Variants in DAAM2 observed in about 807,000 individuals in gnomAD.
DAAM2 encodes disheveled-associated activator of morphogenesis 2.
DAAM2 carries 39 observed loss-of-function variants against 120.7 expected under a neutral mutation model. That is an observed-to-expected ratio of 0.32 (90% CI 0.25 to 0.42). The LOEUF is 0.42. Ranked by LOEUF, DAAM2 falls within the 10% of genes least tolerant of loss-of-function variation. DAAM2 has a pLI of 1.00. For missense variants in DAAM2, 1,283 were observed against 1,401.7 expected (o/e 0.92, Z 1.35); for synonymous variants, 488 against 524.9 (o/e 0.93, Z 0.96).
intron 1 of DAAM2, among the ~76,000 whole-genome samples, chr6:39,799,870 A>T (rs1415504718): frequency 6.6e-6 from 1 of 152,182 alleles, no homozygotes; most frequent in East Asian, 1.9e-4. Flanking sequence ...ATCCTGCTGT[A>T]ACTTCATTTG....
intron 9 of DAAM2, among the ~76,000 whole-genome samples, chr6:39,872,495 T>C (rs952355392): frequency 2.6e-5 from 4 of 152,130 alleles, no homozygotes; most frequent in Non-Finnish European, 4.4e-5. Flanking sequence ...CTGAGTCCCC[T>C]CTCCCCATCC....
intron 5 of DAAM2, among the ~76,000 whole-genome samples, chr6:39,866,142 C>T (rs73734935): frequency 0.021 from 3,175 of 152,260 alleles, 107 homozygotes; most frequent in African/African-American, 0.072. Flanking sequence ...GGGAGCATCC[C>T]AATTGTCTCT....
At chr6:39,827,424 A>G (rs78202949) in intron 1 of DAAM2, among the ~76,000 whole-genome samples, 7,821 of 152,238 alleles carry the variant, frequency 0.051, 552 homozygotes, top group African/African-American at 0.16. Flanking sequence ...CAAGAGGGGA[A>G]GGCACAGCTA....
At chr6:39,840,888 G>C (rs544336850) in intron 1 of DAAM2, among the ~76,000 whole-genome samples, 4 of 151,960 alleles carry the variant, frequency 2.6e-5, no homozygotes, top group African/African-American at 9.7e-5. Context: ...GAGAAACACA[G>C]GATGCTAAGG....
chr6:39,811,590 C>G (rs1199929602), intron 1 of DAAM2, among the ~76,000 whole-genome samples: 1 of 152,200 alleles, frequency 6.6e-6, no homozygotes, highest in Non-Finnish European at 1.5e-5. Context: ...TTCCTTAAAT[C>G]ACCTCATGAT....
rs1453197831 is a variant in DAAM2 at position 39,871,494 on chromosome 6, C to T, written c.978-12C>T. 2.6e-6 allele frequency: 4 copies of T among 1,551,074 alleles called. No individual in the cohort carries two copies. The East Asian group carries it at 9.8e-5, about 38-fold the overall frequency. ...GTAATGTCTACTCTCTCTGTCTCCC[C>T]ATTCTGTCTAGACATTTAGACTTCT... is the stretch of plus-strand genomic sequence containing the variant. On this transcript the variant is annotated splice_polypyrimidine_tract_variant and intron_variant, in intron 8 of 24. Coordinates refer to ENST00000274867, the MANE Select transcript of DAAM2 (RefSeq NM_001201427.2).
chr6:39,799,164 C>G (rs910754539), intron 1 of DAAM2, among the ~76,000 whole-genome samples: 2 of 152,062 alleles, frequency 1.3e-5, no homozygotes, highest in African/African-American at 4.8e-5. Context: ...TTTGGTGGCT[C>G]CTGCCCTCCA....
At chr6:39,821,617 T>G (rs1201787721) in intron 1 of DAAM2, 1 of 152,112 alleles carries the variant, frequency 6.6e-6, no homozygotes, top group Non-Finnish European at 1.5e-5. Context: ...GGATCCCCAG[T>G]GGGTAGCGAG....
intron 1 of DAAM2, among the ~76,000 whole-genome samples, chr6:39,814,732 G>A (rs540947849): frequency 1.3e-5 from 2 of 152,172 alleles, no homozygotes; most frequent in Non-Finnish European, 1.5e-5. Context: ...CACCATTTCT[G>A]TGGAACTCAA....
intron 21 of DAAM2, among the ~76,000 whole-genome samples, chr6:39,897,604 G>GATTATTC (rs1248364573): frequency 6.6e-6 from 1 of 152,178 alleles, no homozygotes; most frequent in Non-Finnish European, 1.5e-5. Flanking sequence ...AGACTTACAC[G>GATTATTC]ATTATTCATA....
intron 1 of DAAM2, among the ~76,000 whole-genome samples, chr6:39,826,969 G>A (rs1324255937): frequency 6.6e-6 from 1 of 152,216 alleles, no homozygotes; most frequent in African/African-American, 2.4e-5. Context: ...GAGAGGCGGT[G>A]TAGCTTGGAT....
chr6:39,899,190 C>G (rs899020432), intron 22 of DAAM2, among the ~76,000 whole-genome samples: 3 of 152,216 alleles, frequency 2.0e-5, no homozygotes, highest in Non-Finnish European at 2.9e-5. Flanking sequence ...AACCATACAT[C>G]TGACCCATGC....
rs1353436963 is a variant in DAAM2 at position 39,807,757 on chromosome 6, C to T, written c.-57+15292C>T. ...GTCTCGAACTTCTGACCTCAAGTGA[C>T]CCGCCCACCTCGGCCTCCCAAAGTG... On this transcript the variant is annotated intron_variant, in intron 1 of 24. Transcript: ENST00000274867. 2.6e-5 allele frequency among the ~76,000 whole-genome samples: 4 copies of T among 152,214 alleles called. No individual in the cohort carries two copies. The South Asian group carries it at 8.3e-4, about 32-fold the overall frequency.
chr6:39,797,863 A>C (rs1761746356), intron 1 of DAAM2, among the ~76,000 whole-genome samples: 1 of 152,256 alleles, frequency 6.6e-6, no homozygotes, highest in African/African-American at 2.4e-5. Context: ...CATTGGGTAG[A>C]TGAACAAATG....
chr6:39,879,864 CA>C, intron 14 of DAAM2: 1 of 360,292 alleles, frequency 2.8e-6, no homozygotes, highest in Non-Finnish European at 5.3e-6. Context: ...AAGATCAGGA[CA>C]ATGTATACAA....
chr6:39,898,139 TCA>T (rs1766232054), intron 21 of DAAM2, among the ~76,000 whole-genome samples: 1 of 152,230 alleles, frequency 6.6e-6, no homozygotes, highest in Non-Finnish European at 1.5e-5. Context: ...CAGTTACCAA[TCA>T]CAGGCAATTG....
At position 39,878,324 on chromosome 6, in the gene DAAM2, C is replaced by G. The variant is rs1764956240; in HGVS notation, c.1360+63C>G. The G allele has an allele frequency of 1.9e-6, 3 of 1,610,970 alleles. No individual in the cohort carries two copies. In the Admixed American group the frequency reaches 5.0e-5, roughly 27 times the overall value. On this transcript the variant is annotated intron_variant, in intron 12 of 24. Coordinates refer to ENST00000274867, the MANE Select transcript of DAAM2 (RefSeq NM_001201427.2). The surrounding 1 kb of genome is among the most constrained non-coding windows in gnomAD (Gnocchi z 5.0). ...TGCCCTTCCCCTGCCCAGCCCATAACTCCATGCCCTTCCAGGCAGGGAGTC... is the reference window on the plus strand; with the variant it reads ...TGCCCTTCCCCTGCCCAGCCCATAAGTCCATGCCCTTCCAGGCAGGGAGTC...
chr6:39,813,449 C>T (rs1762222333), intron 1 of DAAM2, among the ~76,000 whole-genome samples: 2 of 152,060 alleles, frequency 1.3e-5, no homozygotes, highest in South Asian at 2.1e-4. Flanking sequence ...TATGCAAATT[C>T]ATAGGCTAGA....
chr6:39,901,665 T>C lies in DAAM2; in HGVS notation c.2983-148T>C. 2.1e-6 allele frequency: 2 copies of C among 961,640 alleles called. No individual in the cohort carries two copies. Among genetic ancestry groups the C allele is most frequent in the Non-Finnish European group, 3.0e-6 (2 of 667,140 alleles). The allele number at this position is 961,640 out of a possible 1,614,324, so 59.6% of individuals were successfully genotyped here. On this transcript the variant is annotated intron_variant, in intron 24 of 24. Transcript: ENST00000274867. This position sits in a 1 kb window ranked among gnomAD's most constrained non-coding sequence, Gnocchi z 4.5. ...AGAGAGTGGTGTGAAGCTGGGGGCCTGTATGTCCTAGGCAGGAAGAAAGTG... is the reference window on the plus strand; with the variant it reads ...AGAGAGTGGTGTGAAGCTGGGGGCCCGTATGTCCTAGGCAGGAAGAAAGTG...
Sources: allele counts gnomAD v4.1 joint callset (sites outside exome capture counted in the v4.1 genomes callset), GRCh38; gene constraint gnomAD v4.1.1; non-coding constraint Gnocchi (gnomAD v3.1); transcripts MANE v1.5; gene names NCBI Gene and HGNC (gene_info 2026-07-23, HGNC 2026-07-21).